MNAT1: variants seen among roughly 807,000 people sequenced by gnomAD.
MNAT1 encodes CDK-activating kinase assembly factor MAT1.
Under a neutral mutation model 42.0 loss-of-function variants are expected in MNAT1, and 43 were observed. The ratio of observed to expected loss-of-function variants is 1.02; its 90% CI spans 0.80 to 1.32. The LOEUF (loss-of-function observed/expected upper bound fraction) is 1.32, where lower values mean the gene tolerates loss of function less well. Ranked by LOEUF, MNAT1 falls within the 40% of genes most tolerant of loss-of-function variation. The pLI, the probability that MNAT1 is intolerant of heterozygous loss-of-function variation, is 0.00. For missense variants in MNAT1, 306 were observed against 350.4 expected (o/e 0.87, Z 1.01); for synonymous variants, 118 against 120.0 (o/e 0.98, Z 0.11).
intron 7 of MNAT1, among the ~76,000 whole-genome samples, chr14:60,901,699 A>G (rs2035075457): frequency 6.6e-6 from 1 of 152,202 alleles, no homozygotes; most frequent in Non-Finnish European, 1.5e-5. Context: ...GGAAGAAGTA[A>G]CCGCAAATGG....
intron 6 of MNAT1, among the ~76,000 whole-genome samples, chr14:60,823,467 T>C (rs2032962226): frequency 6.6e-6 from 1 of 152,206 alleles, no homozygotes; most frequent in African/African-American, 2.4e-5. Flanking sequence ...TTACATTGCC[T>C]TTATGTTCTT....
intron 7 of MNAT1, among the ~76,000 whole-genome samples, chr14:60,932,771 A>G (rs2035916532): frequency 1.3e-5 from 2 of 152,170 alleles, no homozygotes; most frequent in African/African-American, 2.4e-5. Context: ...TTTTAAAGCT[A>G]TGTGTTAGAG....
intron 7 of MNAT1, among the ~76,000 whole-genome samples, chr14:60,925,618 C>T (rs1011479806): frequency 1.3e-5 from 2 of 152,176 alleles, no homozygotes; most frequent in African/African-American, 4.8e-5. Context: ...ACACTTCCTT[C>T]CATCAGGTTA....
chr14:60,875,131 AT>A (rs1173935174), intron 6 of MNAT1, among the ~76,000 whole-genome samples: 1 of 152,158 alleles, frequency 6.6e-6, no homozygotes, highest in African/African-American at 2.4e-5. Context: ...GTTTTAAAAA[AT>A]ACTCCTTTTT....
chr14:60,934,054 G>A (rs528005821), intron 7 of MNAT1, among the ~76,000 whole-genome samples: 1 of 152,266 alleles, frequency 6.6e-6, no homozygotes, highest in Non-Finnish European at 1.5e-5. Flanking sequence ...TTAGCCAAAA[G>A]GTAGAGATGT....
At chr14:60,871,737 C>T (rs1729994903) in intron 6 of MNAT1, among the ~76,000 whole-genome samples, 2 of 152,052 alleles carry the variant, frequency 1.3e-5, no homozygotes, top group Admixed American at 6.6e-5. Context: ...ATTCTCCTGC[C>T]TCAGCCTCCC....
intron 7 of MNAT1, among the ~76,000 whole-genome samples, chr14:60,915,724 A>G (rs144928833): frequency 1.3e-5 from 2 of 152,336 alleles, no homozygotes; most frequent in East Asian, 1.9e-4. Context: ...TGGGTTTAGC[A>G]TCAGATTTTT....
intron 5 of MNAT1, among the ~76,000 whole-genome samples, chr14:60,813,916 A>G (rs1384290574): frequency 6.6e-6 from 1 of 152,174 alleles, no homozygotes; most frequent in Non-Finnish European, 1.5e-5. Flanking sequence ...CGATGTTAAA[A>G]TGAGGTTCTA....
intron 6 of MNAT1, among the ~76,000 whole-genome samples, chr14:60,842,185 G>A (rs141716138): frequency 8.7e-4 from 132 of 152,256 alleles, no homozygotes; most frequent in East Asian, 5.8e-3. Flanking sequence ...CATTATAATA[G>A]CATCATTGGA....
At chr14:60,868,317 C>T (rs1177688492) in intron 6 of MNAT1, among the ~76,000 whole-genome samples, 1 of 152,104 alleles carries the variant, frequency 6.6e-6, no homozygotes, top group Non-Finnish European at 1.5e-5. Context: ...CAGAAATAGT[C>T]ATTCAGAATT....
At chr14:60,960,380 T>A (rs1359115584) in intron 7 of MNAT1, among the ~76,000 whole-genome samples, 1 of 152,226 alleles carries the variant, frequency 6.6e-6, no homozygotes, top group Non-Finnish European at 1.5e-5. Context: ...TAGGCCCTCC[T>A]CTTTTCTCGT....
At position 60,848,911 on chromosome 14, in the gene MNAT1, C is replaced by A. The variant is rs865823134; in HGVS notation, c.687+30064C>A. On this transcript the variant is annotated intron_variant, in intron 6 of 7. Coordinates refer to ENST00000261245, the MANE Select transcript of MNAT1 (RefSeq NM_002431.4). Reference sequence around the variant, plus strand: ...TATTAGTCTCTTTAAGAGTTAATGTCTATAAATATTTAACTCTGGACTATG... The same window carrying A: ...TATTAGTCTCTTTAAGAGTTAATGTATATAAATATTTAACTCTGGACTATG... Among the ~76,000 whole-genome samples, 3 of 152,198 alleles carry A rather than the reference C, an allele frequency of 2.0e-5. No homozygotes were observed. In the South Asian group the frequency reaches 6.2e-4, roughly 32 times the overall value.
chr14:60,941,242 C>T (rs921742433), intron 7 of MNAT1, among the ~76,000 whole-genome samples: 1 of 152,040 alleles, frequency 6.6e-6, no homozygotes, highest in African/African-American at 2.4e-5. Flanking sequence ...CCATTTTTCC[C>T]TTGATCTCTT....
At chr14:60,832,919 A>G (rs888769300) in intron 6 of MNAT1, among the ~76,000 whole-genome samples, 1 of 151,848 alleles carries the variant, frequency 6.6e-6, no homozygotes, top group Non-Finnish European at 1.5e-5. Context: ...ATTCCTAGGT[A>G]TTTTATTCTA....
intron 7 of MNAT1, among the ~76,000 whole-genome samples, chr14:60,914,815 C>T (rs746018122): frequency 2.6e-5 from 4 of 152,040 alleles, no homozygotes; most frequent in African/African-American, 7.2e-5. Context: ...AAAAGAAGTG[C>T]GATTATTGAA....
intron 4 of MNAT1, among the ~76,000 whole-genome samples, chr14:60,809,723 A>G (rs1460171611): frequency 6.6e-6 from 1 of 152,102 alleles, no homozygotes; most frequent in Non-Finnish European, 1.5e-5. Flanking sequence ...GTTATGTTGT[A>G]TGATCCTTTT....
At chr14:60,838,488 A>G (rs957127677) in intron 6 of MNAT1, among the ~76,000 whole-genome samples, 3 of 151,356 alleles carry the variant, frequency 2.0e-5, no homozygotes, top group African/African-American at 7.3e-5. Context: ...GGTTTTTATT[A>G]TTTCTTTTCT....
chr14:60,847,344 C>T (rs2033707485), intron 6 of MNAT1, among the ~76,000 whole-genome samples: 1 of 146,038 alleles, frequency 6.8e-6, no homozygotes, highest in Admixed American at 7.0e-5. Context: ...GCGGAGGTTG[C>T]AGTGAGCCAA....
intron 7 of MNAT1, among the ~76,000 whole-genome samples, chr14:60,949,507 A>G (rs993092935): frequency 6.6e-6 from 1 of 152,198 alleles, no homozygotes; most frequent in Non-Finnish European, 1.5e-5. Flanking sequence ...GTCATATGTA[A>G]CTCATTAGAA....
Sources: gnomAD v4.1 joint callset for allele counts (sites outside exome capture counted in the v4.1 genomes callset) on GRCh38, gnomAD v4.1.1 for gene constraint, MANE v1.5 for transcripts, NCBI Gene and HGNC (gene_info 2026-07-23, HGNC 2026-07-21) for gene names.